GPR34: variants seen among roughly 807,000 people sequenced by gnomAD.
GPR34 encodes the protein G protein-coupled receptor 34, also known as probable G protein-coupled receptor 34.
GPR34 carries 3 observed loss-of-function variants against 14.1 expected under a neutral mutation model. The ratio of observed to expected loss-of-function variants is 0.21; its 90% CI spans 0.10 to 0.55. The LOEUF (loss-of-function observed/expected upper bound fraction) is 0.55, where lower values mean the gene tolerates loss of function less well. Ranked by LOEUF, GPR34 falls within the 20% of genes least tolerant of loss-of-function variation. The probability of loss-of-function intolerance (pLI) is 0.94; values close to 1 mark genes in which losing one functional copy is unlikely to be tolerated. For missense variants in GPR34, 213 were observed against 292.8 expected, an observed-to-expected ratio of 0.73 and a Z score of 1.99; for synonymous variants, 99 against 99.9, an observed-to-expected ratio of 0.99 and a Z score of 0.05.
At position 41,695,812 on chromosome X, in the gene GPR34, C is replaced by T; in HGVS notation, c.179C>T (p.Ser60Phe). The stretch of plus-strand genomic sequence containing the variant: ...TTGCTATCTACTGTGTTAACCACAT[C>T]CTACTCTGTTATTTTCATCGTGGGA... ...EKLLSTVLTT[S>F]YSVIFIVGLV... is the part of the protein sequence containing the mutation. The change falls in exon 3 of 3, where the codon TCC becomes TTC. Residue 60 changes from serine to phenylalanine, a missense_variant. Transcript: ENST00000378142. 1 of 1,205,297 alleles carries T rather than the reference C, an allele frequency of 8.3e-7. No homozygotes were observed. Among genetic ancestry groups the T allele is most frequent in the Non-Finnish European group, 1.1e-6 (1 of 889,487 alleles).
intron 2 of GPR34, among the ~76,000 whole-genome samples, chrX:41,691,665 T>C (rs1356387926): frequency 1.9e-5 from 2 of 107,805 alleles, no homozygotes; most frequent in Non-Finnish European, 3.8e-5. Context: ...AAGACCAGCC[T>C]GGCCAACATA....
chrX:41,689,693 A>G (rs1448881909), intron 1 of GPR34, 50 bp from the exon 2 acceptor site: 1 of 111,952 alleles, frequency 8.9e-6, no homozygotes, highest in Admixed American at 9.5e-5. Context: ...CACACTATTA[A>G]TAGTATTATT....
Position 41,696,545 on chromosome X carries a change from T to A in GPR34, c.912T>A (p.Ile304=). ...TATCATCTTGCTACTGGAAAGAAAT[T>A]GTTCACAAAACCAATGAGATCATGC... is the stretch of plus-strand genomic sequence containing the variant. The part of the protein sequence containing the change: ...LNVSSCYWKE[I]VHKTNEIMLV... The change falls in exon 3 of 3, where the codon ATT becomes ATA. Residue 304 remains isoleucine (I), a synonymous_variant. Transcript: ENST00000378142. 8.3e-7 allele frequency: 1 copy of A among 1,208,712 alleles called. No homozygotes were observed. The highest frequency in any genetic ancestry group is 1.7e-5 in the African/African-American group (1 of 57,878).
At chrX:41,694,657 T>C (rs2067643445) in intron 2 of GPR34, among the ~76,000 whole-genome samples, 1 of 111,882 alleles carries the variant, frequency 8.9e-6, no homozygotes, top group Non-Finnish European at 1.9e-5. Flanking sequence ...GCTTCTAGGT[T>C]AGGAGTGGCT....
At chrX:41,691,496 G>A (rs2067558036) in intron 2 of GPR34, among the ~76,000 whole-genome samples, 2 of 111,275 alleles carry the variant, frequency 1.8e-5, no homozygotes, top group Non-Finnish European at 3.8e-5. Context: ...TAAGGAGTGA[G>A]ATTTGGTGAA....
At position 41,696,232 on chromosome X, in the gene GPR34, A is replaced by G. The variant is rs1370898544; in HGVS notation, c.599A>G (p.Asn200Ser). ...TTAACACTTAAGAAAGGAGGGCATA[A>G]TTCCACAATGTGTTTCCATTACAGA... ...IILTLKKGGHNSTMCFHYRDK... is the reference protein window; with the variant it reads ...IILTLKKGGHSSTMCFHYRDK... Residue 200 changes from asparagine (N) to serine (S), a missense_variant, in exon 3 of 3, where the codon AAT becomes AGT. Coordinates refer to ENST00000378142, the MANE Select transcript of GPR34 (RefSeq NM_001097579.2). 1.6e-5 allele frequency: 19 copies of G among 1,206,445 alleles called. No individual in the cohort carries two copies. The highest frequency in any genetic ancestry group is 2.1e-5 in the Non-Finnish European group (19 of 893,028).
chrX:41,690,353 A>AC (rs1283015917), intron 2 of GPR34, among the ~76,000 whole-genome samples: 4 of 107,969 alleles, frequency 3.7e-5, no homozygotes, highest in African/African-American at 1.4e-4. Context: ...ATTAAAAAAA[A>AC]AATTTTTTTT....
chrX:41,693,084 C>T (rs1001246537), intron 2 of GPR34, among the ~76,000 whole-genome samples: 1 of 111,302 alleles, frequency 9.0e-6, no homozygotes. Flanking sequence ...GAAAAAAAAT[C>T]CAAAATAACT....
chrX:41,695,972 T>C lies in GPR34; in HGVS notation c.339T>C (p.Tyr113=), dbSNP rs2067681473. The part of the protein sequence containing the change: ...LIFCLPFRIM[Y]HINQNKWTLG... ...TCTGCCTCCCTTTCCGAATAATGTA[T>C]CATATTAACCAAAACAAGTGGACAC... The change falls in exon 3 of 3, where the codon TAT becomes TAC. Residue 113 remains tyrosine (Y), a synonymous_variant. Transcript: ENST00000378142. 3 of 1,205,895 alleles carry C rather than the reference T, an allele frequency of 2.5e-6. No homozygotes were observed. Among genetic ancestry groups the C allele is most frequent in the Non-Finnish European group, 3.4e-6 (3 of 891,646 alleles).
Position 41,696,713 on chromosome X carries a change from A to G in GPR34, c.1080A>G (p.Lys360=). ...PSRSESTSEF[K]PGYSLHDTSV... ...GGAGTGAAAGCACTTCAGAATTTAA[A>G]CCAGGATACTCCCTGCATGATACAT... The change falls in exon 3 of 3, where the codon AAA becomes AAG. Residue 360 remains lysine (K), a synonymous_variant. Coordinates refer to ENST00000378142, the MANE Select transcript of GPR34 (RefSeq NM_001097579.2). The G allele has an allele frequency of 1.7e-6, 2 of 1,208,408 alleles. No individual in the cohort carries two copies. The highest frequency in any genetic ancestry group is 2.2e-6 in the Non-Finnish European group (2 of 892,769).
chrX:41,694,416 C>T (rs938212222), intron 2 of GPR34, among the ~76,000 whole-genome samples: 18 of 111,975 alleles, frequency 1.6e-4, no homozygotes, highest in African/African-American at 5.2e-4. Flanking sequence ...GCTTTCTTTA[C>T]TTGTTATGAC....
chrX:41,696,254 C>T lies in GPR34; in HGVS notation c.621C>T (p.Tyr207=). 4.2e-6 allele frequency: 5 copies of T among 1,203,493 alleles called. No individual in the cohort carries two copies. Among genetic ancestry groups the T allele is most frequent in the Non-Finnish European group, 5.6e-6 (5 of 891,527 alleles). The stretch of plus-strand genomic sequence containing the variant: ...ATAATTCCACAATGTGTTTCCATTA[C>T]AGAGATAAGCATAACGCAAAAGGAG... ...GGHNSTMCFH[Y]RDKHNAKGEA... Residue 207 remains tyrosine, a synonymous_variant, in exon 3 of 3, where the codon TAC becomes TAT. Transcript: ENST00000378142.
rs769162271 is a variant in GPR34, at chrX:41,692,060, A to G, written c.-80+2225A>G. ...AGGCGTGAGCCACTGTACCTGGCCA[A>G]CCTTTTGATCTTTCATTACCTCTTT... On this transcript the variant is annotated intron_variant, in intron 2 of 2. Transcript: ENST00000378142. 1.4e-3 allele frequency among the ~76,000 whole-genome samples: 153 copies of G among 111,061 alleles called. 1 individual carries two copies. Among genetic ancestry groups the G allele is most frequent in the Non-Finnish European group, 2.4e-3 (128 of 53,032 alleles).
At position 41,689,833 on chromosome X, in the gene GPR34, T is replaced by C. The variant is rs1239422014; in HGVS notation, c.-82T>C. On this transcript the variant is annotated splice_region_variant and 5_prime_UTR_variant, in exon 2 of 3. Coordinates refer to ENST00000378142, the MANE Select transcript of GPR34 (RefSeq NM_001097579.2). ...GTGAAAGGTTGCGACTATTACCAAA[T>C]AGGTATGTATTTCAACATAGCAATG... The C allele has an allele frequency of 8.9e-6, 1 of 111,803 alleles. No individual in the cohort carries two copies. The highest frequency in any genetic ancestry group is 3.2e-5 in the African/African-American group (1 of 30,774). 9.2% of individuals were successfully genotyped at this position (111,803 alleles called of 1,213,427 possible). A position where few individuals can be genotyped will look rare whatever the true frequency, so the allele number is the denominator to read the frequency against.
At chrX:41,691,840 C>CAAAA (rs397895684) in intron 2 of GPR34, among the ~76,000 whole-genome samples, 18 of 28,430 alleles carry the variant, frequency 6.3e-4, no homozygotes, top group African/African-American at 1.4e-3. Flanking sequence ...GACTCTGTCT[C>CAAAA]AAAAAAAAAA....
intron 1 of GPR34, among the ~76,000 whole-genome samples, chrX:41,689,451 T>A (rs906159140): frequency 1.8e-5 from 2 of 112,104 alleles, no homozygotes; most frequent in African/African-American, 6.5e-5. Flanking sequence ...TTATAAATTA[T>A]AACTTATTGA....
At chrX:41,692,646 C>T (rs1286315707) in intron 2 of GPR34, among the ~76,000 whole-genome samples, 1 of 112,437 alleles carries the variant, frequency 8.9e-6, no homozygotes, top group East Asian at 2.8e-4. Context: ...TTTCCTTCAA[C>T]TTGCTTCTTT....
At position 41,695,884 on chromosome X, in the gene GPR34, G is replaced by A; in HGVS notation, c.251G>A (p.Arg84His). ...IALYVFLGIH[R>H]KRNSIQIYLL... ...CTCTATGTATTTCTGGGTATTCACC[G>A]TAAAAGAAATTCCATTCAAATTTAT... The change falls in exon 3 of 3, where the codon CGT becomes CAT. Residue 84 changes from arginine (R) to histidine (H), a missense_variant. By Grantham distance (29) the Arg-to-His change is conservative. Coordinates refer to ENST00000378142, the MANE Select transcript of GPR34 (RefSeq NM_001097579.2). 3 of 1,208,268 alleles carry A rather than the reference G, an allele frequency of 2.5e-6. No homozygotes were observed. The highest frequency in any genetic ancestry group is 2.2e-6 in the Non-Finnish European group (2 of 892,528).
chrX:41,689,588 T>A (rs897558368), intron 1 of GPR34, among the ~76,000 whole-genome samples, 155 bp from the exon 2 acceptor site: 2 of 111,711 alleles, frequency 1.8e-5, no homozygotes, highest in African/African-American at 6.5e-5. Context: ...AAGGTGAATA[T>A]TAGATAAGAG....
Sources: allele counts gnomAD v4.1 joint callset (sites outside exome capture counted in the v4.1 genomes callset), GRCh38; gene constraint gnomAD v4.1.1; transcripts MANE v1.5; gene names NCBI Gene and HGNC (gene_info 2026-07-23, HGNC 2026-07-21).